Variants in TPPP observed in about 807,000 individuals in gnomAD.
TPPP encodes the protein tubulin polymerization promoting protein.
TPPP carries 6 observed loss-of-function variants against 15.5 expected under a neutral mutation model. The ratio of observed to expected loss-of-function variants is 0.39; its 90% confidence interval spans 0.21 to 0.77. TPPP has a LOEUF of 0.77. Ranked by LOEUF, TPPP falls within the 30% of genes least tolerant of loss-of-function variation. The pLI is 0.42. For missense variants in TPPP, 269 were observed against 307.2 expected (o/e 0.88, Z 0.93); for synonymous variants, 146 against 133.9 (o/e 1.09, Z -0.63).
At position 670,677 on chromosome 5, in the gene TPPP, C is replaced by A. The variant is rs537955679; in HGVS notation, c.312-4554G>T. On this transcript the variant is annotated intron_variant, in intron 2 of 3. Transcript: ENST00000360578. ...CGAGTTCTCACTGCTCCAGGAGGGT[C>A]CAGTGGTCCCGTTCCAGCAGGACCC... Among the ~76,000 whole-genome samples the A allele has an allele frequency of 2.6e-5, 4 of 152,270 alleles. No homozygotes were observed. In the South Asian group the frequency reaches 8.3e-4, roughly 32 times the overall value.
chr5:668,874 A>G (rs1328637748), intron 2 of TPPP, among the ~76,000 whole-genome samples: 1 of 152,158 alleles, frequency 6.6e-6, no homozygotes, highest in Non-Finnish European at 1.5e-5. Context: ...TACGCACCCA[A>G]CGCGGTGGGT....
At chr5:683,349 G>C (rs1225903926) in intron 1 of TPPP, among the ~76,000 whole-genome samples, 1 of 152,184 alleles carries the variant, frequency 6.6e-6, no homozygotes, top group Non-Finnish European at 1.5e-5. Flanking sequence ...GCATTCCTTG[G>C]GAAGTGACCA....
At chr5:677,721 C>T (rs1442037126) in intron 2 of TPPP, 29 bp downstream of exon 2, 8 of 1,522,022 alleles carry the variant, frequency 5.3e-6, no homozygotes, top group Non-Finnish European at 6.2e-6. Context: ...TAAGTCAGGT[C>T]CCTCGGCCCG....
At chr5:674,176 C>T (rs910970608) in intron 2 of TPPP, among the ~76,000 whole-genome samples, 1 of 152,208 alleles carries the variant, frequency 6.6e-6, no homozygotes, top group Non-Finnish European at 1.5e-5. Flanking sequence ...CGCTTTGCCC[C>T]GGGTCTGCTC....
chr5:683,060 G>T (rs1018005279), intron 1 of TPPP, among the ~76,000 whole-genome samples: 1 of 150,930 alleles, frequency 6.6e-6, no homozygotes, highest in Non-Finnish European at 1.5e-5. Context: ...GCTGGACCAG[G>T]CCAGGGTGTG....
intron 1 of TPPP, among the ~76,000 whole-genome samples, chr5:684,829 G>A (rs375792086): frequency 3.9e-5 from 6 of 152,326 alleles, no homozygotes; most frequent in South Asian, 4.1e-4. Flanking sequence ...AGCCCAGGCC[G>A]CCTGTCAGGC....
intron 1 of TPPP, among the ~76,000 whole-genome samples, chr5:682,504 C>T (rs1438946047): frequency 1.5e-5 from 2 of 136,416 alleles, no homozygotes; most frequent in South Asian, 2.4e-4. Context: ...CTGTCAGTCA[C>T]TAGGGCCAGG....
At chr5:692,183 C>CA (rs1245622781) in intron 1 of TPPP, among the ~76,000 whole-genome samples, 2 of 113,252 alleles carry the variant, frequency 1.8e-5, no homozygotes, top group Admixed American at 9.0e-5. Flanking sequence ...AAACAGCAGC[C>CA]CCCAACCCCT....
chr5:696,350 G>A (rs1273207895), upstream of TPPP, among the ~76,000 whole-genome samples: 14 of 135,830 alleles, frequency 1.0e-4, no homozygotes, highest in Non-Finnish European at 1.8e-4. Flanking sequence ...AAAGGCCTCC[G>A]AGGCCAAGTG....
rs1739751452 is a variant in TPPP, at chr5:663,258, T to C, written c.*1844A>G. 6.6e-6 allele frequency: 1 copy of C among 152,364 alleles called. No homozygotes were observed. Among genetic ancestry groups the C allele is most frequent in the South Asian group, 2.1e-4 (1 of 4,838 alleles). The allele number at this position is 152,364 out of a possible 1,614,324, so 9.4% of individuals were successfully genotyped here. ...ACATTCAGAGTTGTTTTCAAATGTT[T>C]CCGCACGTTAGTTCTGCCTTTCACA... On this transcript the variant is annotated 3_prime_UTR_variant, in exon 4 of 4. Transcript: ENST00000360578.
In TPPP at chr5:662,395, G is replaced by C. The variant is rs1216528290; in HGVS notation, c.*2707C>G. The C allele has an allele frequency of 1.3e-5, 2 of 152,500 alleles. No individual in the cohort carries two copies. Among genetic ancestry groups the C allele is most frequent in the Non-Finnish European group, 2.9e-5 (2 of 68,090 alleles). 9.4% of individuals were successfully genotyped at this position (152,500 alleles called of 1,614,324 possible). A position where few individuals can be genotyped will look rare whatever the true frequency, so the allele number is the denominator to read the frequency against. On this transcript the variant is annotated 3_prime_UTR_variant, in exon 4 of 4. Transcript: ENST00000360578. ...TTGTCTGAGGCCAACCAGGGACCAG[G>C]AGGCAGCGTCCTGGTGCCCAGCACC...
chr5:684,472 A>C (rs150045245), intron 1 of TPPP, among the ~76,000 whole-genome samples: 170 of 152,234 alleles, frequency 1.1e-3, no homozygotes, highest in Non-Finnish European at 2.0e-3. Context: ...GGGGACAGCA[A>C]CATCAAAGAC....
At chr5:677,709 C>G (rs772554184) in intron 2 of TPPP, 41 bp downstream of exon 2, 5 of 1,512,146 alleles carry the variant, frequency 3.3e-6, no homozygotes, top group Non-Finnish European at 4.4e-6. Context: ...CGCAGACCCC[C>G]GTAAGTCAGG....
Position 666,129 on chromosome 5 carries a change from G to GGGGCACAGGCAACTTA in TPPP, c.312-7_312-6insTAAGTTGCCTGTGCCC, listed in dbSNP as rs1554021107. The GGGGCACAGGCAACTTA allele has an allele frequency of 1.2e-6, 2 of 1,605,662 alleles. No homozygotes were observed. The highest frequency in any genetic ancestry group is 2.7e-5 in the African/African-American group (2 of 74,520). On this transcript the variant is annotated splice_region_variant and splice_polypyrimidine_tract_variant and intron_variant, in intron 2 of 3. Transcript: ENST00000360578. ...TGGTCCGGCAAGACTTCCCTCTACA[G>GGGGCACAGGCAACTTA]GGGCACAGGCGACTTAGGGCTGGGC...
chr5:696,515 G>A (rs1741014394), upstream of TPPP, among the ~76,000 whole-genome samples: 1 of 145,546 alleles, frequency 6.9e-6, no homozygotes, highest in Non-Finnish European at 1.6e-5. Context: ...AGCAGTCAGG[G>A]CCCCTTGAGA....
Position 664,980 on chromosome 5 carries a change from C to G in TPPP, c.*122G>C. On this transcript the variant is annotated 3_prime_UTR_variant, in exon 4 of 4. Transcript: ENST00000360578. ...GGGAGGCCTGGGCCTGGCCGCCCCC[C>G]AGCCCCCTCTGGGGCACCCGTCTGA... 8.0e-7 allele frequency: 1 copy of G among 1,249,124 alleles called. No individual in the cohort carries two copies. The highest frequency in any genetic ancestry group is 1.1e-6 in the Non-Finnish European group (1 of 905,326). The allele number at this position is 1,249,124 out of a possible 1,614,324, so 77.4% of individuals were successfully genotyped here.
At chr5:697,324 G>A (rs182984070), upstream of TPPP, among the ~76,000 whole-genome samples, 801 of 133,746 alleles carry the variant, frequency 6.0e-3, 10 homozygotes, top group Admixed American at 0.013. Context: ...GCTGCTTGGA[G>A]CACATTCTTA....
chr5:668,866 C>T lies in TPPP; in HGVS notation c.312-2743G>A, dbSNP rs576718219. On this transcript the variant is annotated intron_variant, in intron 2 of 3. Coordinates refer to ENST00000360578, the MANE Select transcript of TPPP (RefSeq NM_007030.3). ...ACCCCTCGAGAACAAGCCCAGGATA[C>T]GCACCCAACGCGGTGGGTGCCAAGT... Among the ~76,000 whole-genome samples the T allele has an allele frequency of 9.2e-5, 14 of 152,330 alleles. No homozygotes were observed. In the East Asian group the frequency reaches 9.7e-4, roughly 11 times the overall value.
At chr5:666,164 C>T in intron 2 of TPPP, 41 bp from the exon 3 acceptor site, 1 of 1,546,036 alleles carries the variant, frequency 6.5e-7, no homozygotes, top group East Asian at 2.3e-5. Context: ...CGCGGGCCGG[C>T]CCAGGGCTGC....
Sources: allele counts gnomAD v4.1 joint callset (sites outside exome capture counted in the v4.1 genomes callset), GRCh38; gene constraint gnomAD v4.1.1; transcripts MANE v1.5; gene names NCBI Gene and HGNC (gene_info 2026-07-23, HGNC 2026-07-21).